Variants in MARK2 observed in about 807,000 individuals in gnomAD.
MARK2 encodes the protein microtubule affinity regulating kinase 2, also known as serine/threonine-protein kinase MARK2.
MARK2 carries 16 observed loss-of-function variants against 89.8 expected under a neutral mutation model. The ratio of observed to expected loss-of-function variants is 0.18; its 90% CI spans 0.12 to 0.27. The LOEUF is 0.27. MARK2 is among the 10% of genes least tolerant of loss of function. The pLI, the probability that MARK2 is intolerant of heterozygous loss-of-function variation, is 1.00. For synonymous variants in MARK2, 382 were observed against 399.5 expected (o/e 0.96, Z 0.52); for missense variants, 621 against 1,049.9 (o/e 0.59, Z 5.65).
At chr11:63,854,712 G>A (rs769257849) in intron 1 of MARK2, among the ~76,000 whole-genome samples, 41 of 150,522 alleles carry the variant, frequency 2.7e-4, no homozygotes, top group Non-Finnish European at 4.6e-4. Flanking sequence ...GTGGGTGCCT[G>A]TAATGTCAGC....
intron 1 of MARK2, among the ~76,000 whole-genome samples, chr11:63,843,866 C>G (rs1295762409): frequency 2.0e-5 from 3 of 152,058 alleles, no homozygotes; most frequent in Non-Finnish European, 4.4e-5. Flanking sequence ...CTCAGGTGAT[C>G]TGCTGGATAA....
chr11:63,848,519 A>G (rs1012037643), intron 1 of MARK2, among the ~76,000 whole-genome samples: 1 of 148,920 alleles, frequency 6.7e-6, no homozygotes, highest in Non-Finnish European at 1.5e-5. Context: ...AGTAGCTGGT[A>G]CTACAGGCAT....
chr11:63,849,807 A>G (rs1233889723), intron 1 of MARK2, among the ~76,000 whole-genome samples: 1 of 152,180 alleles, frequency 6.6e-6, no homozygotes, highest in Non-Finnish European at 1.5e-5. Context: ...GGAATCCTGG[A>G]TCATCCTCTC....
At chr11:63,887,827 A>C (rs1939495758) in intron 1 of MARK2, among the ~76,000 whole-genome samples, 1 of 152,164 alleles carries the variant, frequency 6.6e-6, no homozygotes, top group Non-Finnish European at 1.5e-5. Context: ...GAGGAATCCC[A>C]GGCCTTTGGA....
intron 1 of MARK2, among the ~76,000 whole-genome samples, chr11:63,894,467 C>T (rs1182212528): frequency 1.3e-5 from 2 of 152,126 alleles, no homozygotes; most frequent in East Asian, 1.9e-4. Context: ...GAGGCCAAGG[C>T]GGGCGGATCA....
chr11:63,895,205 T>C lies in MARK2; in HGVS notation c.101T>C (p.Met34Thr). The C allele has an allele frequency of 6.2e-7, 1 of 1,614,100 alleles. No individual in the cohort carries two copies. Among genetic ancestry groups the C allele is most frequent in the Admixed American group, 1.7e-5 (1 of 60,016 alleles). Reference protein sequence around the residue: ...LDSKPSSKSNMIRGRNSATSA... With the variant: ...LDSKPSSKSNTIRGRNSATSA... ...TCCAAGCCCAGCAGTAAGTCCAACA[T>C]GATTCGGGGCCGCAACTCAGCCACC... The change falls in exon 2 of 19, where the codon ATG becomes ACG. Residue 34 changes from methionine (M) to threonine (T), a missense_variant. Met to Thr is a moderately conservative substitution (Grantham distance 81). Coordinates refer to ENST00000402010, the MANE Select transcript of MARK2 (RefSeq NM_001039469.3).
chr11:63,888,282 T>C (rs1939525233), intron 1 of MARK2, among the ~76,000 whole-genome samples: 1 of 152,198 alleles, frequency 6.6e-6, no homozygotes, highest in African/African-American at 2.4e-5. Context: ...GGGCCGCCAC[T>C]CTGGGTCAGC....
At chr11:63,896,299 A>G (rs1940397087) in intron 3 of MARK2, among the ~76,000 whole-genome samples, 1 of 152,216 alleles carries the variant, frequency 6.6e-6, no homozygotes, top group Non-Finnish European at 1.5e-5. Flanking sequence ...TGTAGCCACT[A>G]CTAGAAACAC....
chr11:63,899,007 C>A (rs1940646467), intron 6 of MARK2, 45 bp from the exon 7 acceptor site: 3 of 1,437,158 alleles, frequency 2.1e-6, no homozygotes, highest in African/African-American at 2.8e-5. Context: ...CCCCTGTGGC[C>A]CACCCTCAGG....
chr11:63,842,617 A>G (rs1433653771), intron 1 of MARK2, among the ~76,000 whole-genome samples: 4 of 152,190 alleles, frequency 2.6e-5, no homozygotes, highest in Non-Finnish European at 4.4e-5. Flanking sequence ...ACCAAGTGAA[A>G]GAAACCTCTT....
At chr11:63,890,766 T>G (rs1462537520) in intron 1 of MARK2, among the ~76,000 whole-genome samples, 1 of 152,268 alleles carries the variant, frequency 6.6e-6, no homozygotes, top group Non-Finnish European at 1.5e-5. Context: ...ACATAATGAT[T>G]GCTCTTATTG....
intron 17 of MARK2, 60 bp from the exon 18 acceptor site, chr11:63,908,200 G>A: frequency 6.8e-7 from 1 of 1,478,160 alleles, no homozygotes; most frequent in Non-Finnish European, 9.3e-7. Flanking sequence ...ATCTGGGTCT[G>A]TGGCGGCGGA....
chr11:63,880,748 C>T (rs1354914650), intron 1 of MARK2, among the ~76,000 whole-genome samples: 2 of 152,170 alleles, frequency 1.3e-5, no homozygotes, highest in East Asian at 1.9e-4. Flanking sequence ...TGGTCCCTGG[C>T]TGTGCCTATA....
At position 63,898,814 on chromosome 11, in the gene MARK2, C is replaced by A. The variant is rs1940630637; in HGVS notation, c.455C>A (p.Ala152Asp). Residue 152 changes from alanine (A) to aspartate (D), a missense_variant, in exon 6 of 19, where the codon GCT (alanine) becomes GAT (aspartate). Transcript: ENST00000402010. ...CATGGCAGGATGAAAGAAAAAGAGG[C>A]TCGAGCCAAATTCCGCCAGGTAGGT... ...VAHGRMKEKE[A>D]RAKFRQIVSA... 6.2e-7 allele frequency: 1 copy of A among 1,613,848 alleles called. No homozygotes were observed. The highest frequency in any genetic ancestry group is 1.3e-5 in the African/African-American group (1 of 74,906).
intron 1 of MARK2, among the ~76,000 whole-genome samples, chr11:63,864,679 G>T (rs949376666): frequency 6.6e-6 from 1 of 151,668 alleles, no homozygotes; most frequent in African/African-American, 2.4e-5. Context: ...TTACAGGCGT[G>T]AGCCACTGTG....
chr11:63,902,994 G>C lies in MARK2; in HGVS notation c.1417-67G>C, dbSNP rs915301723. On this transcript the variant is annotated intron_variant, in intron 13 of 18. Coordinates refer to ENST00000402010, the MANE Select transcript of MARK2 (RefSeq NM_001039469.3). The surrounding 1 kb of genome is among the most constrained non-coding windows in gnomAD (Gnocchi z 4.2). ...GACAGGAAGCCTGTTCCATGAACCT[G>C]GGGGGAGAACCTGGCTGTAGACCAC... 1.3e-5 allele frequency: 18 copies of C among 1,376,784 alleles called. No homozygotes were observed. The highest frequency in any genetic ancestry group is 1.7e-5 in the Non-Finnish European group (16 of 966,576). 85.3% of individuals were successfully genotyped at this position (1,376,784 alleles called of 1,614,324 possible).
intron 1 of MARK2, among the ~76,000 whole-genome samples, chr11:63,859,315 A>C (rs1357783702): frequency 2.1e-5 from 3 of 143,324 alleles, no homozygotes; most frequent in Non-Finnish European, 3.1e-5. Context: ...TAACCTGTTT[A>C]TTTCTTTTTT....
At position 63,902,794 on chromosome 11, in the gene MARK2, C is replaced by A. The variant is rs1217922217; in HGVS notation, c.1416+12C>A. The A allele has an allele frequency of 1.9e-6, 3 of 1,600,640 alleles. No individual in the cohort carries two copies. The highest frequency in any genetic ancestry group is 2.6e-6 in the Non-Finnish European group (3 of 1,170,030). ...CAACCCCCTCCACGGTGAGCCGCAC[C>A]CCCCGCTCTCTCCTTCCTTCCTGCG... On this transcript the variant is annotated intron_variant, in intron 13 of 18. Transcript: ENST00000402010. The surrounding 1 kb of genome is among the most constrained non-coding windows in gnomAD (Gnocchi z 4.2).
At chr11:63,892,635 T>C (rs1293935931) in intron 1 of MARK2, among the ~76,000 whole-genome samples, 3 of 152,114 alleles carry the variant, frequency 2.0e-5, no homozygotes, top group Non-Finnish European at 4.4e-5. Context: ...TGGCCTCATA[T>C]GCTTTGTTGC....
Sources: gnomAD v4.1 joint callset for allele counts (sites outside exome capture counted in the v4.1 genomes callset) on GRCh38, gnomAD v4.1.1 for gene constraint, Gnocchi (gnomAD v3.1) non-coding constraint, MANE v1.5 for transcripts, NCBI Gene and HGNC (gene_info 2026-07-23, HGNC 2026-07-21) for gene names.